The following DCBLD1 variants were observed in gnomAD, a reference collection of about 807,000 sequenced individuals.
DCBLD1 encodes discoidin, CUB and LCCL domain containing 1.
Under a neutral mutation model 71.5 loss-of-function variants are expected in DCBLD1, and 57 were observed. The ratio of observed to expected loss-of-function variants is 0.80; its 90% CI spans 0.64 to 0.99. The LOEUF (loss-of-function observed/expected upper bound fraction) is 0.99. DCBLD1 is among the 50% of genes least tolerant of loss of function. The pLI, the probability that DCBLD1 is intolerant of heterozygous loss-of-function variation, is 0.00. For synonymous variants in DCBLD1, 380 were observed against 363.8 expected (o/e 1.04, Z -0.51); for missense variants, 891 against 923.5 (o/e 0.96, Z 0.46).
rs1777740635 is a variant in DCBLD1, at chr6:117,503,747, C to G, written c.113-20C>G. 8 of 1,612,592 alleles carry G rather than the reference C, an allele frequency of 5.0e-6. No individual in the cohort carries two copies. Among genetic ancestry groups the G allele is most frequent in the Non-Finnish European group, 6.8e-6 (8 of 1,178,766 alleles). ...AATGACCCCTTCTTCTTTTATTCCC[C>G]CCTTCTTTTTCTTTACCAGGTGATG... On this transcript the variant is annotated intron_variant, in intron 1 of 14. Transcript: ENST00000338728.
intron 1 of DCBLD1, among the ~76,000 whole-genome samples, chr6:117,484,099 T>C (rs1582953184): frequency 6.6e-6 from 1 of 152,232 alleles, no homozygotes; most frequent in East Asian, 1.9e-4. Flanking sequence ...CGTAGGACTT[T>C]TATAATGGAT....
intron 14 of DCBLD1, among the ~76,000 whole-genome samples, chr6:117,566,662 A>G (rs1779703362): frequency 6.6e-6 from 1 of 152,198 alleles, no homozygotes; most frequent in Admixed American, 6.5e-5. Flanking sequence ...ACAGTCCAAG[A>G]TGAATATAGA....
At chr6:117,537,361 C>T (rs971866091) in intron 7 of DCBLD1, 136 bp downstream of exon 7, 98 of 706,758 alleles carry the variant, frequency 1.4e-4, no homozygotes, top group South Asian at 2.1e-4. Context: ...AGTGAAACCC[C>T]GTCTCTACTA....
rs1268658185 is a variant in DCBLD1 at position 117,549,104 on chromosome 6, G to T, written c.*665G>T. On this transcript the variant is annotated 3_prime_UTR_variant, in exon 15 of 15. Transcript: ENST00000338728. The stretch of plus-strand genomic sequence containing the variant: ...GCAAAGAAACAACACCTCAGCAGCT[G>T]CCCGTTTCCTTAGTCTCCACTTCAG... 2 of 985,774 alleles carry T rather than the reference G, an allele frequency of 2.0e-6. No individual in the cohort carries two copies. The highest frequency in any genetic ancestry group is 3.5e-5 in the African/African-American group (2 of 57,246). The allele number at this position is 985,774 out of a possible 1,614,324, so 61.1% of individuals were successfully genotyped here. A position where few individuals can be genotyped will look rare whatever the true frequency, so the allele number is the denominator to read the frequency against.
intron 6 of DCBLD1, among the ~76,000 whole-genome samples, chr6:117,534,124 C>G (rs1778810545): frequency 6.6e-6 from 1 of 152,162 alleles, no homozygotes; most frequent in South Asian, 2.1e-4. Flanking sequence ...ACAAAGTATT[C>G]TTTTCATATT....
At position 117,542,706 on chromosome 6, in the gene DCBLD1, G is replaced by C. The variant is rs549910025; in HGVS notation, c.1358-418G>C. On this transcript the variant is annotated intron_variant, in intron 11 of 14. Coordinates refer to ENST00000338728, the MANE Select transcript of DCBLD1 (RefSeq NM_001366458.2). ...TTATGGTACAGGTCCAAACCCGCCT[G>C]CCATCTGGGGAAATGTGTTGCTTGA... 5.9e-5 allele frequency among the ~76,000 whole-genome samples: 9 copies of C among 152,038 alleles called. No individual in the cohort carries two copies. In the South Asian group the frequency reaches 1.9e-3, roughly 32 times the overall value.
At chr6:117,544,236 A>T in intron 12 of DCBLD1, 1 of 280,136 alleles carries the variant, frequency 3.6e-6, no homozygotes, top group Non-Finnish European at 6.6e-6. Context: ...TTGCTTCAGG[A>T]TGACTGCATG....
intron 13 of DCBLD1, among the ~76,000 whole-genome samples, chr6:117,544,881 G>A (rs1416839369): frequency 6.6e-6 from 1 of 151,772 alleles, no homozygotes; most frequent in African/African-American, 2.4e-5. Flanking sequence ...AGCCTTATCA[G>A]TGAACTGAAG....
At position 117,485,397 on chromosome 6, in the gene DCBLD1, C is replaced by T. The variant is rs554757246; in HGVS notation, c.112+2504C>T. Among the ~76,000 whole-genome samples, 3 of 152,210 alleles carry T rather than the reference C, an allele frequency of 2.0e-5. No individual in the cohort carries two copies. In the South Asian group the frequency reaches 6.2e-4, roughly 31 times the overall value. ...TTGCTTCAAAACCCTCTGCCCAACT[C>T]TTAATTTGTTATTTAGAAGGTCTGC... On this transcript the variant is annotated intron_variant, in intron 1 of 14. Transcript: ENST00000338728.
At chr6:117,506,162 C>A (rs949783935) in intron 2 of DCBLD1, among the ~76,000 whole-genome samples, 14 of 152,044 alleles carry the variant, frequency 9.2e-5, no homozygotes, top group African/African-American at 3.4e-4. Context: ...TCTAGAATCC[C>A]CTAATCCACC....
At chr6:117,516,359 CAA>C (rs200161442) in intron 2 of DCBLD1, among the ~76,000 whole-genome samples, 20 of 102,854 alleles carry the variant, frequency 1.9e-4, no homozygotes, top group Admixed American at 4.2e-4. Flanking sequence ...GACTCCATCT[CAA>C]AAAAAAAAAA....
chr6:117,492,268 C>T (rs1014304955), intron 1 of DCBLD1, among the ~76,000 whole-genome samples: 3 of 152,248 alleles, frequency 2.0e-5, no homozygotes, highest in South Asian at 2.1e-4. Context: ...TATTTTGAAT[C>T]GTTGTATGTT....
intron 1 of DCBLD1, among the ~76,000 whole-genome samples, chr6:117,495,857 A>G (rs1777451325): frequency 6.6e-6 from 1 of 152,242 alleles, no homozygotes; most frequent in Admixed American, 6.5e-5. Flanking sequence ...TCTTTTAAAT[A>G]TCTTAACATG....
At chr6:117,545,925 G>T (rs1779252294) in intron 14 of DCBLD1, among the ~76,000 whole-genome samples, 1 of 152,138 alleles carries the variant, frequency 6.6e-6, no homozygotes, top group Non-Finnish European at 1.5e-5. Flanking sequence ...CTGAAAGGAG[G>T]AATTAAATAC....
chr6:117,483,689 C>T (rs1017769941), intron 1 of DCBLD1, among the ~76,000 whole-genome samples: 1 of 146,176 alleles, frequency 6.8e-6, no homozygotes, highest in African/African-American at 2.7e-5. Context: ...CATTCGTCCT[C>T]ATTAATTAGT....
At chr6:117,525,508 G>T in intron 5 of DCBLD1, 74 bp downstream of exon 5, 1 of 1,122,780 alleles carries the variant, frequency 8.9e-7, no homozygotes, top group Non-Finnish European at 1.2e-6. Flanking sequence ...ATTAATTACT[G>T]AGTAAAGTCA....
At chr6:117,482,939 GGCGGGCT>G in intron 1 of DCBLD1, 46 bp downstream of exon 1, 1 of 1,155,378 alleles carries the variant, frequency 8.7e-7, no homozygotes, top group Non-Finnish European at 1.1e-6. Context: ...AGGCGCCAGG[GGCGGGCT>G]GAGGGCTGCG....
intron 14 of DCBLD1, chr6:117,567,163 T>TA: frequency 6.7e-6 from 4 of 594,930 alleles, no homozygotes; most frequent in Non-Finnish European, 1.1e-5. Context: ...AGAAAATAAA[T>TA]AATAAAATTC....
chr6:117,503,673 A>G, intron 1 of DCBLD1, 94 bp from the exon 2 acceptor site: 1 of 1,366,654 alleles, frequency 7.3e-7, no homozygotes, highest in Non-Finnish European at 1.0e-6. Context: ...AAAACAATAA[A>G]ATACATAACT....
Sources: allele counts gnomAD v4.1 joint callset (sites outside exome capture counted in the v4.1 genomes callset), GRCh38; gene constraint gnomAD v4.1.1; transcripts MANE v1.5; gene names NCBI Gene and HGNC (gene_info 2026-07-23, HGNC 2026-07-21).